Variants in ADGRV1 observed in about 807,000 individuals in gnomAD.
The protein encoded by ADGRV1 is G-protein coupled receptor 98.
A neutral mutation model predicts 596.2 loss-of-function variants in ADGRV1; 359 were observed. That is an observed-to-expected ratio of 0.60 (90% CI 0.55 to 0.66). ADGRV1 has a LOEUF of 0.66. Among genes scored for constraint, ADGRV1 ranks in the 30% least tolerant of loss-of-function variants. ADGRV1 has a pLI of 0.00. For synonymous variants in ADGRV1, 2,681 were observed against 2,679.2 expected, an observed-to-expected ratio of 1.00 and a Z score of -0.02; for missense variants, 7,274 against 7,575.6, an observed-to-expected ratio of 0.96 and a Z score of 1.48.
At chr5:91,138,443 C>T (rs182277154) in intron 87 of ADGRV1, among the ~76,000 whole-genome samples, 2 of 152,082 alleles carry the variant, frequency 1.3e-5, no homozygotes, top group Non-Finnish European at 2.9e-5. Context: ...TCTATTGAGT[C>T]TTAGTGTTTT....
chr5:90,607,580 A>G (rs950663206), intron 1 of ADGRV1, among the ~76,000 whole-genome samples: 2 of 152,102 alleles, frequency 1.3e-5, no homozygotes, highest in African/African-American at 2.4e-5. Context: ...TGTCCTGGTA[A>G]TTATATCTGT....
intron 83 of ADGRV1, among the ~76,000 whole-genome samples, chr5:90,879,707 G>T (rs1769573586): frequency 6.6e-6 from 1 of 152,102 alleles, no homozygotes; most frequent in Non-Finnish European, 1.5e-5. Flanking sequence ...GACACTTTGG[G>T]AGGTCAAGGC....
chr5:90,595,489 C>T (rs1291242478), intron 1 of ADGRV1, among the ~76,000 whole-genome samples: 9 of 93,276 alleles, frequency 9.6e-5, no homozygotes, highest in South Asian at 4.2e-4. Context: ...CAGAGGGGCT[C>T]CTCACTTCCC....
intron 7 of ADGRV1, 42 bp downstream of exon 7, chr5:90,627,818 T>C (rs779043323): frequency 1.9e-5 from 24 of 1,238,654 alleles, no homozygotes; most frequent in Non-Finnish European, 2.5e-5. Context: ...TATTTTATTA[T>C]ATTATTCCAG....
chr5:91,039,524 A>C (rs1272264528), intron 85 of ADGRV1, among the ~76,000 whole-genome samples: 2 of 152,192 alleles, frequency 1.3e-5, no homozygotes, highest in African/African-American at 4.8e-5. Context: ...GCTAACTGGA[A>C]TCATATTTGG....
chr5:90,991,302 A>G (rs1276484828), intron 85 of ADGRV1, among the ~76,000 whole-genome samples: 1 of 152,258 alleles, frequency 6.6e-6, no homozygotes, highest in East Asian at 1.9e-4. Context: ...CTTAAGAAAA[A>G]TCAACAAATA....
At chr5:90,572,245 T>C (rs992735907) in intron 1 of ADGRV1, among the ~76,000 whole-genome samples, 1 of 152,116 alleles carries the variant, frequency 6.6e-6, no homozygotes, top group African/African-American at 2.4e-5. Flanking sequence ...TAAGCTCTTG[T>C]TTTGGGTAGC....
intron 34 of ADGRV1, among the ~76,000 whole-genome samples, chr5:90,697,601 T>A (rs140350059): frequency 0.012 from 1,817 of 152,242 alleles, 10 homozygotes; most frequent in Non-Finnish European, 0.019. Flanking sequence ...TCAGTGAATA[T>A]TTTAGCCTGG....
rs1751569147 is a variant in ADGRV1, at chr5:90,724,960, CG to C, written c.9878del (p.Arg3293HisfsTer12). On this transcript the variant is annotated frameshift_variant, in exon 46 of 90. Transcript: ENST00000405460. LOFTEE classifies it high-confidence loss of function. ...AAGAAAATCATCTGTTACTGTTTAC[CG>C]ATGGCAGGGGATTTTTATTCCAGTT... ...MLRKSSVTVY[R>X]WQGIFIPVED... is the part of the protein sequence containing the mutation. 6.2e-7 allele frequency: 1 copy of C among 1,602,616 alleles called. No individual in the cohort carries two copies. The highest frequency in any genetic ancestry group is 1.3e-5 in the African/African-American group (1 of 74,248).
intron 50 of ADGRV1, among the ~76,000 whole-genome samples, chr5:90,740,440 A>G (rs769000450): frequency 1.3e-5 from 2 of 152,304 alleles, no homozygotes; most frequent in South Asian, 2.1e-4. Flanking sequence ...TACTCAGCAG[A>G]TAATTATCAA....
intron 1 of ADGRV1, among the ~76,000 whole-genome samples, chr5:90,583,585 A>T (rs1758353260): frequency 6.6e-6 from 1 of 152,152 alleles, no homozygotes; most frequent in African/African-American, 2.4e-5. Context: ...ATGTAACCAT[A>T]GAATTAGGGC....
intron 84 of ADGRV1, among the ~76,000 whole-genome samples, chr5:90,968,860 TATG>T (rs776021138): frequency 1.3e-5 from 2 of 152,172 alleles, no homozygotes; most frequent in Non-Finnish European, 2.9e-5. Context: ...TAGGAGCGAA[TATG>T]ATACTACATA....
At position 90,694,181 on chromosome 5, in the gene ADGRV1, C is replaced by T. The variant is rs375636806; in HGVS notation, c.7425C>T (p.Asn2475=). ...WMTSWISPAV[N]NSDFWTYRKN... is the part of the protein sequence containing the mutation. Reference sequence around the variant, plus strand: ...CATCATGGATCAGCCCAGCTGTCAACAATTCAGACTTCTGGACCTACAGGA... The same window carrying T: ...CATCATGGATCAGCCCAGCTGTCAATAATTCAGACTTCTGGACCTACAGGA... The change falls in exon 33 of 90, where the codon AAC becomes AAT. Residue 2475 remains asparagine, a synonymous_variant. Transcript: ENST00000405460. 1 of 1,613,814 alleles carries T rather than the reference C, an allele frequency of 6.2e-7. No individual in the cohort carries two copies. The highest frequency in any genetic ancestry group is 1.1e-5 in the South Asian group (1 of 91,084).
intron 85 of ADGRV1, among the ~76,000 whole-genome samples, chr5:91,039,290 C>T (rs1161221963): frequency 6.6e-6 from 1 of 152,202 alleles, no homozygotes; most frequent in Non-Finnish European, 1.5e-5. Flanking sequence ...TCCATGACTT[C>T]CTTTCTGGAG....
At chr5:90,745,863 A>G in intron 52 of ADGRV1, 68 bp downstream of exon 52, 2 of 902,062 alleles carry the variant, frequency 2.2e-6, no homozygotes, top group Non-Finnish European at 3.5e-6. Flanking sequence ...TGTATTAGCT[A>G]TTATTAGCAC....
chr5:91,113,687 G>A (rs1792583755), intron 87 of ADGRV1, among the ~76,000 whole-genome samples: 1 of 152,142 alleles, frequency 6.6e-6, no homozygotes. Flanking sequence ...GGGAGGCCGA[G>A]GTGGGTGGAT....
In ADGRV1 at chr5:90,667,192, A is replaced by G. The variant is rs1421424147; in HGVS notation, c.4753-5354A>G. ...GATTGGGGAAGTTCTCCTGGATAAT[A>G]TCCTGCAGAGTGTTTTCCAACTTGC... is the stretch of plus-strand genomic sequence containing the variant. On this transcript the variant is annotated intron_variant, in intron 21 of 89. Coordinates refer to ENST00000405460, the MANE Select transcript of ADGRV1 (RefSeq NM_032119.4). Among the ~76,000 whole-genome samples, 10 of 143,730 alleles carry G rather than the reference A, an allele frequency of 7.0e-5. No homozygotes were observed. In the East Asian group the frequency reaches 2.1e-3, roughly 30 times the overall value. The allele number at this position is 143,730 out of a possible 152,430, so 94.3% of individuals were successfully genotyped here.
intron 78 of ADGRV1, among the ~76,000 whole-genome samples, chr5:90,843,215 T>C (rs1364960679): frequency 1.3e-5 from 2 of 152,104 alleles, no homozygotes; most frequent in African/African-American, 4.8e-5. Context: ...AGAACTTTCC[T>C]GAAAAAGAAG....
rs573431505 is a variant in ADGRV1, at chr5:90,857,305, T to C, written c.17755+1404T>C. Among the ~76,000 whole-genome samples, 24 of 152,188 alleles carry C rather than the reference T, an allele frequency of 1.6e-4. No homozygotes were observed. The South Asian group carries it at 2.9e-3, about 18-fold the overall frequency. Reference sequence around the variant, plus strand: ...ATAATGTTGAAATACAATCTAGATGTCATTTTACATGTTTCCATAGAGGCA... The same window carrying C: ...ATAATGTTGAAATACAATCTAGATGCCATTTTACATGTTTCCATAGAGGCA... On this transcript the variant is annotated intron_variant, in intron 82 of 89. Coordinates refer to ENST00000405460, the MANE Select transcript of ADGRV1 (RefSeq NM_032119.4).
Sources: allele counts gnomAD v4.1 joint callset (sites outside exome capture counted in the v4.1 genomes callset), GRCh38; gene constraint gnomAD v4.1.1; transcripts MANE v1.5; gene names NCBI Gene and HGNC (gene_info 2026-07-23, HGNC 2026-07-21).